USP4: variants seen among roughly 807,000 people sequenced by gnomAD.
The protein encoded by USP4 is ubiquitin specific peptidase 4.
In USP4, 72 loss-of-function variants were observed where a neutral mutation model predicts 118.2. The ratio of observed to expected loss-of-function variants is 0.61; its 90% CI spans 0.50 to 0.74. The LOEUF (loss-of-function observed/expected upper bound fraction) is 0.74, where lower values mean the gene tolerates loss of function less well. USP4 is among the 30% of genes least tolerant of loss of function. USP4 has a pLI of 0.00. For missense variants in USP4, 1,037 were observed against 1,185.7 expected (o/e 0.87, Z 1.84); for synonymous variants, 415 against 440.4 (o/e 0.94, Z 0.72).
intron 18 of USP4, 121 bp from the exon 19 acceptor site, chr3:49,284,257 A>G (rs2047070680): frequency 1.5e-6 from 2 of 1,362,432 alleles, no homozygotes; most frequent in African/African-American, 1.5e-5. Context: ...AGCACTCAAC[A>G]CTACTGCTTC....
intron 6 of USP4, chr3:49,317,245 G>A (rs1177519660): frequency 1.3e-6 from 2 of 1,541,012 alleles, no homozygotes; most frequent in East Asian, 2.3e-5. Context: ...ACTGCAAGAG[G>A]CAATCTTGCG....
At chr3:49,284,393 G>A (rs2047072409) in intron 18 of USP4, 73 bp downstream of exon 18, 2 of 1,250,814 alleles carry the variant, frequency 1.6e-6, no homozygotes. Flanking sequence ...GGGTTTATGT[G>A]CACAGATGGC....
chr3:49,283,162 T>C (rs547802458), intron 19 of USP4, among the ~76,000 whole-genome samples: 18 of 151,194 alleles, frequency 1.2e-4, no homozygotes, highest in African/African-American at 3.7e-4. Context: ...ACCACAGGTG[T>C]GCGCCACCAC....
At chr3:49,318,417 C>T (rs2047463273) in intron 6 of USP4, 2 of 985,402 alleles carry the variant, frequency 2.0e-6, no homozygotes, top group South Asian at 4.7e-5. Flanking sequence ...GGCTGGCAAC[C>T]TTAAAGGGCC....
chr3:49,283,691 T>C lies in USP4; in HGVS notation c.2540+296A>G, dbSNP rs149087483. Among the ~76,000 whole-genome samples the C allele has an allele frequency of 7.8e-3, 1,194 of 152,232 alleles. 18 individuals are homozygous for C. The highest frequency in any genetic ancestry group is 6.9e-3 in the South Asian group (33 of 4,816). Reference sequence around the variant, plus strand: ...CTAAGGTGAGGCTACCTGTGACAGATGATGGACAGGAAGGCCAGTTAGGTG... The same window carrying C: ...CTAAGGTGAGGCTACCTGTGACAGACGATGGACAGGAAGGCCAGTTAGGTG... On this transcript the variant is annotated intron_variant, in intron 19 of 21. Coordinates refer to ENST00000265560, the MANE Select transcript of USP4 (RefSeq NM_003363.4).
intron 6 of USP4, chr3:49,312,889 T>C (rs535135651): frequency 1.3e-5 from 2 of 150,740 alleles, no homozygotes; most frequent in Non-Finnish European, 3.0e-5. Context: ...TTTTTTCTTT[T>C]TTTTTTTCTT....
At position 49,287,625 on chromosome 3, in the gene USP4, A is replaced by G. The variant is rs184674767; in HGVS notation, c.1973-1300T>C. Among the ~76,000 whole-genome samples, 594 of 152,064 alleles carry G rather than the reference A, an allele frequency of 3.9e-3. 3 individuals carry two copies. Among genetic ancestry groups the G allele is most frequent in the African/African-American group, 0.011 (452 of 41,474 alleles). On this transcript the variant is annotated intron_variant, in intron 15 of 21. Coordinates refer to ENST00000265560, the MANE Select transcript of USP4 (RefSeq NM_003363.4). The stretch of plus-strand genomic sequence containing the variant: ...ATAGCTGTGATTACAGGCACGCACC[A>G]CCACGCCCAGCTAATTTTTGTATTT...
At chr3:49,334,890 A>C (rs944048549) in intron 2 of USP4, among the ~76,000 whole-genome samples, 36 of 152,278 alleles carry the variant, frequency 2.4e-4, no homozygotes, top group African/African-American at 7.9e-4. Context: ...CAGGCAAAAG[A>C]AAGCCTGGGA....
At chr3:49,308,330 A>G (rs909086452) in intron 8 of USP4, among the ~76,000 whole-genome samples, 5 of 151,928 alleles carry the variant, frequency 3.3e-5, no homozygotes, top group African/African-American at 1.2e-4. Flanking sequence ...TTTATTATAT[A>G]TTTTTTTGAG....
intron 19 of USP4, among the ~76,000 whole-genome samples, chr3:49,283,187 T>C (rs2047055964): frequency 2.0e-5 from 3 of 151,644 alleles, no homozygotes; most frequent in Admixed American, 1.3e-4. Flanking sequence ...AGCTAACTTT[T>C]GCATTTTTAG....
Position 49,329,409 on chromosome 3 carries a change from G to A in USP4, c.230-1593C>T, listed in dbSNP as rs188897098. On this transcript the variant is annotated intron_variant, in intron 2 of 21. Transcript: ENST00000265560. ...ATGAATATTTTTGTGTGTGTGTGTGGGCAGGTGGGAGTGGCAGGCCTTACT... is the reference window on the plus strand; with the variant it reads ...ATGAATATTTTTGTGTGTGTGTGTGAGCAGGTGGGAGTGGCAGGCCTTACT... 5.3e-5 allele frequency among the ~76,000 whole-genome samples: 8 copies of A among 151,886 alleles called. No individual in the cohort carries two copies. The East Asian group carries it at 1.6e-3, about 29-fold the overall frequency.
intron 17 of USP4, 35 bp downstream of exon 17, chr3:49,284,814 C>T (rs1296484335): frequency 6.3e-7 from 1 of 1,597,190 alleles, no homozygotes; most frequent in Non-Finnish European, 8.6e-7. Context: ...CAGAAACCAG[C>T]AGACACCACC....
chr3:49,314,550 A>G (rs1183579678), intron 6 of USP4, among the ~76,000 whole-genome samples: 1 of 152,162 alleles, frequency 6.6e-6, no homozygotes, highest in Non-Finnish European at 1.5e-5. Context: ...TGCATAAAGA[A>G]AGTCTGCTGC....
chr3:49,309,943 C>CTTTTTTTTTTATTTTTTTTTTT, intron 8 of USP4, among the ~76,000 whole-genome samples: 1 of 40,236 alleles, frequency 2.5e-5, no homozygotes, highest in Non-Finnish European at 4.0e-5. Context: ...TTTTTTTAAT[C>CTTTTTTTTTTATTTTTTTTTTT]TTTTTTTTTT....
At chr3:49,318,534 A>C in intron 6 of USP4, 8 of 985,450 alleles carry the variant, frequency 8.1e-6, no homozygotes, top group Non-Finnish European at 8.4e-6. Context: ...AGTTAGCTGG[A>C]GCAATTCACA....
Position 49,300,582 on chromosome 3 carries a change from T to C in USP4, c.1397A>G (p.Lys466Arg). 1 of 1,614,222 alleles carries C rather than the reference T, an allele frequency of 6.2e-7. No homozygotes were observed. The highest frequency in any genetic ancestry group is 2.2e-5 in the East Asian group (1 of 44,888). ...KSTLVCPECA[K>R]VSVTFDPFCY... ...AAATGGGTCAAAGGTCACAGAAACC[T>C]TAGCACATTCTGGGCAAACCAAAGT... is the stretch of plus-strand genomic sequence containing the variant. Residue 466 changes from lysine to arginine, a missense_variant, in exon 11 of 22, where the codon AAG becomes AGG. This residue lies in a region of USP4 where 28 missense variants were observed against 59.0 expected (regional missense o/e 0.47). Transcript: ENST00000265560.
At chr3:49,335,397 T>C (rs2047658341) in intron 2 of USP4, 72 bp downstream of exon 2, 15 of 1,598,796 alleles carry the variant, frequency 9.4e-6, no homozygotes, top group East Asian at 8.9e-5. Context: ...ACAACGTCCA[T>C]GTTACAGATG....
chr3:49,286,015 T>C, intron 16 of USP4, 83 bp downstream of exon 16: 1 of 1,326,998 alleles, frequency 7.5e-7, no homozygotes, highest in South Asian at 1.3e-5. Flanking sequence ...GAAAGCCCAA[T>C]GCAGTGAGTG....
At chr3:49,331,189 G>A (rs111956812) in intron 2 of USP4, among the ~76,000 whole-genome samples, 25 of 147,648 alleles carry the variant, frequency 1.7e-4, no homozygotes, top group African/African-American at 2.8e-4. Context: ...GCGTGGTGGC[G>A]CACGCCTATA....
Sources: allele counts gnomAD v4.1 joint callset (sites outside exome capture counted in the v4.1 genomes callset), GRCh38; gene constraint gnomAD v4.1.1; regional missense constraint gnomAD v4.1.1; transcripts MANE v1.5; gene names NCBI Gene and HGNC (gene_info 2026-07-23, HGNC 2026-07-21).